The following APPL2 variants were observed in gnomAD, a reference collection of about 807,000 sequenced individuals.
APPL2 encodes DCC-interacting protein 13-beta.
In APPL2, 84 loss-of-function variants were observed where a neutral mutation model predicts 92.7. The ratio of observed to expected loss-of-function variants is 0.91; its 90% CI spans 0.76 to 1.09. APPL2 has a LOEUF of 1.09. APPL2 is among the 50% of genes least tolerant of loss of function. The probability of loss-of-function intolerance (pLI) is 0.00; values close to 1 mark genes in which losing one functional copy is unlikely to be tolerated. For synonymous variants in APPL2, 291 were observed against 291.0 expected (o/e 1.00, Z 0.00); for missense variants, 736 against 824.5 (o/e 0.89, Z 1.31).
chr12:105,179,094 G>A (rs1041524300), intron 17 of APPL2, among the ~76,000 whole-genome samples: 10 of 152,032 alleles, frequency 6.6e-5, no homozygotes, highest in African/African-American at 1.7e-4. Flanking sequence ...CCATCAACCC[G>A]TTATCTACAT....
intron 14 of APPL2, among the ~76,000 whole-genome samples, chr12:105,193,660 C>G (rs954417219): frequency 6.6e-6 from 1 of 152,232 alleles, no homozygotes; most frequent in African/African-American, 2.4e-5. Flanking sequence ...CTTGTATCAA[C>G]TGTTAAATCC....
rs908955586 is a variant in APPL2, at chr12:105,208,153, C to T, written c.415+5G>A. On this transcript the variant is annotated splice_donor_5th_base_variant and intron_variant, in intron 6 of 20. Coordinates refer to ENST00000258530, the MANE Select transcript of APPL2 (RefSeq NM_018171.5). The stretch of plus-strand genomic sequence containing the variant: ...CCACACACCAGGAATGGAGAAGGTG[C>T]CTACCATTGCTAGCGAGTCCAAATA... 1.2e-6 allele frequency: 2 copies of T among 1,614,196 alleles called. No homozygotes were observed. The highest frequency in any genetic ancestry group is 1.7e-6 in the Non-Finnish European group (2 of 1,180,012).
At chr12:105,227,248 C>G (rs1357343412) in intron 2 of APPL2, among the ~76,000 whole-genome samples, 1 of 152,072 alleles carries the variant, frequency 6.6e-6, no homozygotes, top group African/African-American at 2.4e-5. Context: ...GCAATCCTCC[C>G]GTCTTGGTCT....
In APPL2 at chr12:105,184,690, G is replaced by A. The variant is rs369523781; in HGVS notation, c.1634+3583C>T. Reference sequence around the variant, plus strand: ...AACTCTCCTGTATGAGGTGTCTGTCGATTCCTGCTGGGAGGTGTCTCCCCG... The same window carrying A: ...AACTCTCCTGTATGAGGTGTCTGTCAATTCCTGCTGGGAGGTGTCTCCCCG... On this transcript the variant is annotated intron_variant, in intron 17 of 20. Coordinates refer to ENST00000258530, the MANE Select transcript of APPL2 (RefSeq NM_018171.5). 4.1e-4 allele frequency among the ~76,000 whole-genome samples: 62 copies of A among 152,304 alleles called. 2 individuals are homozygous for A. The highest frequency in any genetic ancestry group is 3.4e-3 in the Middle Eastern group (1 of 294).
At chr12:105,231,536 G>A (rs1592845519) in intron 1 of APPL2, among the ~76,000 whole-genome samples, 1 of 152,194 alleles carries the variant, frequency 6.6e-6, no homozygotes, top group East Asian at 1.9e-4. Context: ...ACCTCCCACT[G>A]TAGGAATGTG....
At chr12:105,181,856 C>A (rs1886144589) in intron 17 of APPL2, among the ~76,000 whole-genome samples, 1 of 152,060 alleles carries the variant, frequency 6.6e-6, no homozygotes, top group Non-Finnish European at 1.5e-5. Flanking sequence ...TCTCTCTTTT[C>A]TTCTTTATTA....
intron 11 of APPL2, among the ~76,000 whole-genome samples, chr12:105,197,216 T>A (rs1388616282): frequency 6.6e-6 from 1 of 152,162 alleles, no homozygotes; most frequent in African/African-American, 2.4e-5. Flanking sequence ...CTACTGTGAA[T>A]GGCCACAGCC....
intron 2 of APPL2, among the ~76,000 whole-genome samples, chr12:105,225,143 C>A (rs1298315587): frequency 1.4e-5 from 2 of 147,888 alleles, no homozygotes; most frequent in Non-Finnish European, 3.0e-5. Context: ...AATTCCATCC[C>A]AAATTTACTT....
At chr12:105,181,124 G>A (rs559177869) in intron 17 of APPL2, among the ~76,000 whole-genome samples, 39 of 152,234 alleles carry the variant, frequency 2.6e-4, no homozygotes, top group Non-Finnish European at 3.7e-4. Context: ...ATTATTTTGA[G>A]ATATGTTCCA....
rs1252572078 is a variant in APPL2 at position 105,173,428 on chromosome 12, G to A, written c.*886C>T. ...TACTAGTTTGATAGGGAGGAGGGAT[G>A]GGGGAGTGGGCTGGGGTTCCAGGAA... is the stretch of plus-strand genomic sequence containing the variant. On this transcript the variant is annotated 3_prime_UTR_variant, in exon 21 of 21. Transcript: ENST00000258530. The A allele has an allele frequency of 6.6e-6, 1 of 152,614 alleles. No individual in the cohort carries two copies. The highest frequency in any genetic ancestry group is 1.5e-5 in the Non-Finnish European group (1 of 68,050). 9.5% of individuals were successfully genotyped at this position (152,614 alleles called of 1,614,324 possible). A position where few individuals can be genotyped will look rare whatever the true frequency, so the allele number is the denominator to read the frequency against.
chr12:105,220,295 T>G (rs1890005902), intron 2 of APPL2, among the ~76,000 whole-genome samples: 1 of 152,232 alleles, frequency 6.6e-6, no homozygotes, highest in Non-Finnish European at 1.5e-5. Context: ...GTGGGCCATA[T>G]ATGGTCTTTG....
chr12:105,215,534 AATGT>A (rs1039177017), intron 4 of APPL2, among the ~76,000 whole-genome samples: 4 of 152,192 alleles, frequency 2.6e-5, no homozygotes, highest in African/African-American at 9.7e-5. Flanking sequence ...GTCATCAATA[AATGT>A]TTGTTGAATA....
At chr12:105,203,245 T>C (rs541965937) in intron 9 of APPL2, among the ~76,000 whole-genome samples, 1 of 152,338 alleles carries the variant, frequency 6.6e-6, no homozygotes, top group South Asian at 2.1e-4. Flanking sequence ...GTTACTCAAC[T>C]ACTGAAGACA....
rs75551464 is a variant in APPL2 at position 105,192,862 on chromosome 12, A to G, written c.1241+2399T>C. Among the ~76,000 whole-genome samples the G allele has an allele frequency of 9.4e-3, 1,436 of 152,362 alleles. 24 individuals are homozygous for G. Among genetic ancestry groups the G allele is most frequent in the African/African-American group, 0.032 (1,332 of 41,584 alleles). Reference sequence around the variant, plus strand: ...TGAGTAGCTAGATAAATGAATGAACAGCAGATATATAGTAACTGCAGAATG... The same window carrying G: ...TGAGTAGCTAGATAAATGAATGAACGGCAGATATATAGTAACTGCAGAATG... On this transcript the variant is annotated intron_variant, in intron 14 of 20. Transcript: ENST00000258530.
chr12:105,235,906 G>A, intron 1 of APPL2, 53 bp downstream of exon 1: 1 of 1,219,794 alleles, frequency 8.2e-7, no homozygotes, highest in Non-Finnish European at 1.0e-6. Context: ...GGCTGGAGGG[G>A]CCTCCTCGGC....
intron 2 of APPL2, among the ~76,000 whole-genome samples, chr12:105,226,158 T>A (rs980261748): frequency 2.6e-5 from 4 of 152,136 alleles, no homozygotes; most frequent in Admixed American, 6.6e-5. Context: ...TATCTTAAAA[T>A]ATATATATGA....
At chr12:105,227,332 G>T (rs1890587875) in intron 2 of APPL2, among the ~76,000 whole-genome samples, 1 of 152,186 alleles carries the variant, frequency 6.6e-6, no homozygotes, top group Non-Finnish European at 1.5e-5. Context: ...TTACTGCATA[G>T]TTTGCCTATC....
At chr12:105,174,953 A>G (rs1592745955) in intron 20 of APPL2, among the ~76,000 whole-genome samples, 2 of 149,210 alleles carry the variant, frequency 1.3e-5, no homozygotes, top group African/African-American at 4.9e-5. Context: ...GTATGATCTC[A>G]GCTCACTGCA....
At chr12:105,216,935 T>A in intron 4 of APPL2, 134 bp downstream of exon 4, 1 of 630,260 alleles carries the variant, frequency 1.6e-6, no homozygotes, top group Non-Finnish European at 2.8e-6. Context: ...GGAAAGGAGC[T>A]TTGTAAGATC....
Sources: allele counts gnomAD v4.1 joint callset (sites outside exome capture counted in the v4.1 genomes callset), GRCh38; gene constraint gnomAD v4.1.1; transcripts MANE v1.5; gene names NCBI Gene and HGNC (gene_info 2026-07-23, HGNC 2026-07-21).